ARHGEF33: variants seen among roughly 807,000 people sequenced by gnomAD.
The protein encoded by ARHGEF33 is DH and coiled-coil domain-containing protein ENSP00000381780.
Under a neutral mutation model 101.9 loss-of-function variants are expected in ARHGEF33, and 72 were observed. The ratio of observed to expected loss-of-function variants is 0.71; its 90% CI spans 0.58 to 0.86. The LOEUF is 0.86. Among genes scored for constraint, ARHGEF33 ranks in the 40% least tolerant of loss-of-function variants. The probability of loss-of-function intolerance (pLI) is 0.00; values close to 1 mark genes in which losing one functional copy is unlikely to be tolerated. For synonymous variants in ARHGEF33, 499 were observed against 442.5 expected, an observed-to-expected ratio of 1.13 and a Z score of -1.60; for missense variants, 1,169 against 1,111.3, an observed-to-expected ratio of 1.05 and a Z score of -0.74.
At chr2:38,965,223 T>A (rs1418308850) in intron 16 of ARHGEF33, among the ~76,000 whole-genome samples, 2 of 152,192 alleles carry the variant, frequency 1.3e-5, no homozygotes, top group Non-Finnish European at 2.9e-5. Context: ...TAAATTATAG[T>A]CACCTCAAGG....
chr2:38,955,481 CTTTTTTTTTTT>C (rs3085350), intron 13 of ARHGEF33, among the ~76,000 whole-genome samples: 2 of 71,186 alleles, frequency 2.8e-5, no homozygotes, highest in Non-Finnish European at 4.7e-5. Context: ...ATTGAAAAGA[CTTTTTTTTTTT>C]TTTTTTTTTT....
intron 8 of ARHGEF33, 134 bp downstream of exon 8, chr2:38,935,968 C>T (rs773337085): frequency 1.0e-4 from 78 of 767,810 alleles, no homozygotes; most frequent in Non-Finnish European, 1.5e-4. Flanking sequence ...TATGAAGTTA[C>T]GAAGATTCCA....
chr2:38,921,245 A>T (rs896704656), intron 3 of ARHGEF33, 129 bp from the exon 4 acceptor site: 14 of 646,002 alleles, frequency 2.2e-5, no homozygotes, highest in Middle Eastern at 2.5e-4. Context: ...GTTCCCCTGG[A>T]ATCATTGGTT....
chr2:38,931,227 T>C lies in ARHGEF33; in HGVS notation c.481T>C (p.Leu161=), dbSNP rs1040926473. Residue 161 remains leucine (L), a synonymous_variant, in exon 7 of 18, where the codon TTG becomes CTG. Coordinates refer to ENST00000409978, the MANE Select transcript of ARHGEF33 (RefSeq NM_001145451.5). ...VLPSEDFTNL[L]PSQAYEKAQE... ...TCCAAGCGAAGACTTTACCAACCTT[T>C]TGCCTTCTCAGGCCTACGAGAAAGG... is the stretch of plus-strand genomic sequence containing the variant. The C allele has an allele frequency of 1.3e-6, 2 of 1,550,118 alleles. No homozygotes were observed. Among genetic ancestry groups the C allele is most frequent in the African/African-American group, 1.4e-5 (1 of 72,948 alleles).
intron 15 of ARHGEF33, among the ~76,000 whole-genome samples, chr2:38,958,693 A>G (rs2124421221): frequency 7.3e-6 from 1 of 137,012 alleles, no homozygotes; most frequent in South Asian, 2.5e-4. Flanking sequence ...TGGTTTTAGC[A>G]TTTATATTTG....
chr2:38,953,838 C>T (rs1276685625), intron 12 of ARHGEF33, among the ~76,000 whole-genome samples: 1 of 152,198 alleles, frequency 6.6e-6, no homozygotes, highest in Non-Finnish European at 1.5e-5. Context: ...TACTCCCAAC[C>T]CAGTATAATG....
intron 4 of ARHGEF33, among the ~76,000 whole-genome samples, chr2:38,926,196 A>C (rs2124995770): frequency 6.6e-6 from 1 of 152,326 alleles, no homozygotes; most frequent in East Asian, 1.9e-4. Context: ...GAGGGATCAT[A>C]ACCTCTCTAG....
At position 38,931,101 on chromosome 2, in the gene ARHGEF33, T is replaced by C. The variant is rs1299755308; in HGVS notation, c.363-8T>C. ...CAGAATAGCCTTGTCTTTGTTTCTC[T>C]TTCCTAGGAAAACTCAAAAAGAAGA... On this transcript the variant is annotated splice_region_variant and splice_polypyrimidine_tract_variant and intron_variant, in intron 6 of 17. Transcript: ENST00000409978. 51 of 1,540,472 alleles carry C rather than the reference T, an allele frequency of 3.3e-5. No homozygotes were observed. The highest frequency in any genetic ancestry group is 4.4e-5 in the Non-Finnish European group (50 of 1,143,962).
At chr2:38,906,897 G>A (rs1290200206) in intron 2 of ARHGEF33, among the ~76,000 whole-genome samples, 3 of 151,832 alleles carry the variant, frequency 2.0e-5, no homozygotes, top group Admixed American at 1.3e-4. Context: ...GGTCAAGGCT[G>A]CAGTGAGCCA....
chr2:38,902,619 G>T (rs184856859), intron 2 of ARHGEF33, among the ~76,000 whole-genome samples: 43 of 152,184 alleles, frequency 2.8e-4, no homozygotes, highest in Non-Finnish European at 6.3e-4. Context: ...GTTATGGTGG[G>T]TGCAGTTTTG....
intron 10 of ARHGEF33, among the ~76,000 whole-genome samples, chr2:38,944,788 C>T (rs1667399565): frequency 1.3e-5 from 2 of 151,804 alleles, no homozygotes; most frequent in African/African-American, 4.8e-5. Context: ...ACTCAGTGGC[C>T]ATTAGAGAAA....
At chr2:38,909,492 CTTT>C (rs768568418) in intron 2 of ARHGEF33, among the ~76,000 whole-genome samples, 1 of 117,398 alleles carries the variant, frequency 8.5e-6, no homozygotes, top group African/African-American at 3.1e-5. Flanking sequence ...TGGCTAATTT[CTTT>C]TTTTTTTTTT....
Position 38,926,966 on chromosome 2 carries a change from A to G in ARHGEF33, c.76-1941A>G, listed in dbSNP as rs1167191905. 2.0e-5 allele frequency among the ~76,000 whole-genome samples: 3 copies of G among 152,360 alleles called. No individual in the cohort carries two copies. The East Asian group carries it at 5.8e-4, about 29-fold the overall frequency. ...TGCTCACAGAAGATACATTTACATA[A>G]TGAAAAATTACCAGATCAGAAAGTG... On this transcript the variant is annotated intron_variant, in intron 4 of 17. Transcript: ENST00000409978.
At chr2:38,902,817 T>C (rs1666279426) in intron 2 of ARHGEF33, among the ~76,000 whole-genome samples, 1 of 152,152 alleles carries the variant, frequency 6.6e-6, no homozygotes. Flanking sequence ...ATATATAACA[T>C]TATCATTTGA....
At chr2:38,906,643 T>G (rs1666397712) in intron 2 of ARHGEF33, among the ~76,000 whole-genome samples, 1 of 152,090 alleles carries the variant, frequency 6.6e-6, no homozygotes, top group Non-Finnish European at 1.5e-5. Flanking sequence ...AGGCTTCTGC[T>G]GCTGGACTTT....
intron 1 of ARHGEF33, among the ~76,000 whole-genome samples, chr2:38,894,169 C>T (rs956042135): frequency 2.0e-5 from 3 of 151,680 alleles, no homozygotes; most frequent in African/African-American, 7.3e-5. Flanking sequence ...AAACAAAAAA[C>T]AAAAAACAAA....
intron 9 of ARHGEF33, among the ~76,000 whole-genome samples, chr2:38,937,964 T>C (rs1572759767): frequency 6.6e-6 from 1 of 152,200 alleles, no homozygotes; most frequent in East Asian, 1.9e-4. Flanking sequence ...CTTCCCTTCA[T>C]ATCACAAAGT....
Position 38,972,511 on chromosome 2 carries a change from G to A in ARHGEF33, c.2484-1203G>A, listed in dbSNP as rs541549843. On this transcript the variant is annotated intron_variant, in intron 17 of 17. Coordinates refer to ENST00000409978, the MANE Select transcript of ARHGEF33 (RefSeq NM_001145451.5). Reference sequence around the variant, plus strand: ...ACCAGAAGTAGAAAGCATGGTGGGCGGCTATGGCTTCATCTGTGATATTGA... The same window carrying A: ...ACCAGAAGTAGAAAGCATGGTGGGCAGCTATGGCTTCATCTGTGATATTGA... 7.7e-4 allele frequency among the ~76,000 whole-genome samples: 117 copies of A among 152,252 alleles called. 1 individual carries two copies. Among genetic ancestry groups the A allele is most frequent in the Middle Eastern group, 3.4e-3 (1 of 294 alleles).
Position 38,954,378 on chromosome 2 carries a change from TGAAGAGA to T in ARHGEF33, c.1144_1150del (p.Glu382LeufsTer12). On this transcript the variant is annotated frameshift_variant, in exon 13 of 18. Transcript: ENST00000409978. LOFTEE classifies it high-confidence loss of function. ...TTGACCTTTCTTTCATTCAGGGTGA[TGAAGAGA>T]TTAAATCTGACATCTACACGTTGTT... 1 of 1,543,450 alleles carries T rather than the reference TGAAGAGA, an allele frequency of 6.5e-7. No individual in the cohort carries two copies. Among genetic ancestry groups the T allele is most frequent in the South Asian group, 1.2e-5 (1 of 83,910 alleles).
Sources: gnomAD v4.1 joint callset for allele counts (sites outside exome capture counted in the v4.1 genomes callset) on GRCh38, gnomAD v4.1.1 for gene constraint, MANE v1.5 for transcripts, NCBI Gene and HGNC (gene_info 2026-07-23, HGNC 2026-07-21) for gene names.